Variants in GPC6 observed in about 807,000 individuals in gnomAD.
GPC6 encodes glypican 6, also known as glypican-6.
GPC6 carries 14 observed loss-of-function variants against 55.2 expected under a neutral mutation model. The observed-to-expected ratio is 0.25, with a 90% CI of 0.17 to 0.40. GPC6 has a LOEUF of 0.40. Ranked by LOEUF, GPC6 falls within the 10% of genes least tolerant of loss-of-function variation. GPC6 has a pLI of 1.00. For missense variants in GPC6, 641 were observed against 708.5 expected, an observed-to-expected ratio of 0.90 and a Z score of 1.08; for synonymous variants, 278 against 259.6, an observed-to-expected ratio of 1.07 and a Z score of -0.68.
chr13:94,105,581 G>A (rs1290376543), intron 4 of GPC6, among the ~76,000 whole-genome samples: 1 of 152,158 alleles, frequency 6.6e-6, no homozygotes, highest in Non-Finnish European at 1.5e-5. Context: ...CCTTTGAAAT[G>A]GACAGGCTGA....
chr13:94,244,764 C>T lies in GPC6; in HGVS notation c.878-41585C>T, dbSNP rs989502930. On this transcript the variant is annotated intron_variant, in intron 4 of 8. Coordinates refer to ENST00000377047, the MANE Select transcript of GPC6 (RefSeq NM_005708.5). ...GATTTTTTTTAAATATGAAATTTTACCCTTTTGCTGAAAAGAGGCAGAATG... is the reference window on the plus strand; with the variant it reads ...GATTTTTTTTAAATATGAAATTTTATCCTTTTGCTGAAAAGAGGCAGAATG... Among the ~76,000 whole-genome samples, 14 of 151,884 alleles carry T rather than the reference C, an allele frequency of 9.2e-5. No individual in the cohort carries two copies. The South Asian group carries it at 2.9e-3, about 32-fold the overall frequency.
rs192560965 is a variant in GPC6, at chr13:94,404,945, G to A, written c.*1728G>A. 2 of 152,280 alleles carry A rather than the reference G, an allele frequency of 1.3e-5. No homozygotes were observed. Among genetic ancestry groups the A allele is most frequent in the Admixed American group, 1.3e-4 (2 of 15,290 alleles). The allele number at this position is 152,280 out of a possible 1,614,324, so 9.4% of individuals were successfully genotyped here. ...GTTTCTTAGTTTTTATGATGCATCT[G>A]GAGTAGGGAAAAGTAATGTTTCAAG... On this transcript the variant is annotated 3_prime_UTR_variant, in exon 9 of 9. Coordinates refer to ENST00000377047, the MANE Select transcript of GPC6 (RefSeq NM_005708.5).
intron 2 of GPC6, among the ~76,000 whole-genome samples, chr13:93,582,483 A>G (rs528012039): frequency 4.1e-4 from 63 of 152,352 alleles, no homozygotes; most frequent in African/African-American, 1.5e-3. Context: ...ACCCCATTTC[A>G]TAGGAAGAAC....
At chr13:94,296,057 G>A (rs1191587816) in intron 5 of GPC6, among the ~76,000 whole-genome samples, 1 of 152,060 alleles carries the variant, frequency 6.6e-6, no homozygotes. Context: ...AATATTGCTG[G>A]ATAACAGGGT....
chr13:94,359,834 T>C (rs1471092697), intron 6 of GPC6, among the ~76,000 whole-genome samples: 1 of 152,230 alleles, frequency 6.6e-6, no homozygotes, highest in Non-Finnish European at 1.5e-5. Context: ...TTGGATTTGG[T>C]TGAATCAGAT....
chr13:93,921,951 G>GAA (rs141511014), intron 3 of GPC6, among the ~76,000 whole-genome samples: 2 of 146,698 alleles, frequency 1.4e-5, no homozygotes, highest in Admixed American at 6.8e-5. Context: ...GCCTGTGGGA[G>GAA]AAAAAAAAAA....
rs571601001 is a variant in GPC6 at position 94,227,780 on chromosome 13, G to A, written c.878-58569G>A. ...GCTGGCTTTTGCTGACTCCATATCT[G>A]TTACTCTAGAACCCAGGCTGATGAC... On this transcript the variant is annotated intron_variant, in intron 4 of 8. Coordinates refer to ENST00000377047, the MANE Select transcript of GPC6 (RefSeq NM_005708.5). Among the ~76,000 whole-genome samples the A allele has an allele frequency of 3.3e-4, 50 of 152,128 alleles. No individual in the cohort carries two copies. The South Asian group carries it at 9.1e-3, about 28-fold the overall frequency.
chr13:93,771,303 G>A (rs1354399568), intron 2 of GPC6, among the ~76,000 whole-genome samples: 1 of 152,186 alleles, frequency 6.6e-6, no homozygotes, highest in Non-Finnish European at 1.5e-5. Flanking sequence ...CTCGGTGAAA[G>A]GCTTCCCACG....
At chr13:93,939,816 A>G (rs950047445) in intron 3 of GPC6, among the ~76,000 whole-genome samples, 1 of 152,120 alleles carries the variant, frequency 6.6e-6, no homozygotes, top group Non-Finnish European at 1.5e-5. Context: ...TAATGAGCAG[A>G]TATATCCTGT....
intron 3 of GPC6, among the ~76,000 whole-genome samples, chr13:94,022,596 A>G (rs1333652952): frequency 6.6e-6 from 1 of 152,072 alleles, no homozygotes; most frequent in Non-Finnish European, 1.5e-5. Context: ...CTTTGGGTAT[A>G]TATAACCAGA....
chr13:93,753,982 T>G (rs1884683560), intron 2 of GPC6, among the ~76,000 whole-genome samples: 1 of 152,094 alleles, frequency 6.6e-6, no homozygotes, highest in African/African-American at 2.4e-5. Context: ...CTGAAATTAA[T>G]TTAAGGAGAC....
chr13:94,001,799 C>T (rs9524308), intron 3 of GPC6, among the ~76,000 whole-genome samples: 4,817 of 152,210 alleles, frequency 0.032, 115 homozygotes, highest in Non-Finnish European at 0.046. Context: ...TGGAGTTAAA[C>T]AGTCATGGAA....
At chr13:93,542,743 C>T (rs1882370524) in intron 1 of GPC6, among the ~76,000 whole-genome samples, 1 of 152,074 alleles carries the variant, frequency 6.6e-6, no homozygotes, top group Non-Finnish European at 1.5e-5. Context: ...CCATCACGTC[C>T]CTTGTAAGTT....
At chr13:94,303,339 C>T (rs1318270753) in intron 5 of GPC6, among the ~76,000 whole-genome samples, 2 of 152,178 alleles carry the variant, frequency 1.3e-5, no homozygotes, top group Non-Finnish European at 2.9e-5. Flanking sequence ...TTTAAGCTCT[C>T]TTTACTACCT....
rs12585491 is a variant in GPC6, at chr13:93,977,391, A to G, written c.712-50338A>G. Among the ~76,000 whole-genome samples the G allele has an allele frequency of 1.9e-4, 28 of 150,980 alleles. No homozygotes were observed. In the East Asian group the frequency reaches 5.3e-3, roughly 28 times the overall value. ...TCAATTATCATTGCATTTATGCTTT[A>G]TTATTTAAATGTTCAGAAGTGTGTG... is the stretch of plus-strand genomic sequence containing the variant. On this transcript the variant is annotated intron_variant, in intron 3 of 8. Transcript: ENST00000377047.
intron 1 of GPC6, among the ~76,000 whole-genome samples, chr13:93,365,571 A>G (rs1881216679): frequency 6.6e-6 from 1 of 152,104 alleles, no homozygotes; most frequent in Non-Finnish European, 1.5e-5. Flanking sequence ...AATGAAACTC[A>G]GGTCCAGAGT....
At chr13:94,122,246 T>C (rs1486393993) in intron 4 of GPC6, among the ~76,000 whole-genome samples, 7 of 152,104 alleles carry the variant, frequency 4.6e-5, no homozygotes, top group Non-Finnish European at 7.4e-5. Flanking sequence ...CCATGTTTTG[T>C]GTTGGGCACT....
At chr13:94,276,480 A>G (rs368696305) in intron 4 of GPC6, among the ~76,000 whole-genome samples, 1 of 121,056 alleles carries the variant, frequency 8.3e-6, no homozygotes, top group Admixed American at 7.7e-5. Flanking sequence ...TTTTATTTTT[A>G]TTTTATTTTA....
At chr13:93,615,236 T>G (rs1225690828) in intron 2 of GPC6, among the ~76,000 whole-genome samples, 2 of 152,262 alleles carry the variant, frequency 1.3e-5, no homozygotes, top group Admixed American at 1.3e-4. Flanking sequence ...TGAGAATCAT[T>G]TTATTTACAA....
Sources: allele counts gnomAD v4.1 joint callset (sites outside exome capture counted in the v4.1 genomes callset), GRCh38; gene constraint gnomAD v4.1.1; transcripts MANE v1.5; gene names NCBI Gene and HGNC (gene_info 2026-07-23, HGNC 2026-07-21).